PIGG: variants seen among roughly 807,000 people sequenced by gnomAD.
The protein encoded by PIGG is phosphatidylinositol glycan anchor biosynthesis class G (EMM blood group), also known as GPI ethanolamine phosphate transferase 2, catalytic subunit.
Under a neutral mutation model 83.2 loss-of-function variants are expected in PIGG, and 70 were observed. That is an observed-to-expected ratio of 0.84 (90% CI 0.69 to 1.03). The LOEUF (loss-of-function observed/expected upper bound fraction) is 1.03, where lower values mean the gene tolerates loss of function less well. Ranked by LOEUF, PIGG falls within the 50% of genes least tolerant of loss-of-function variation. The pLI is 0.00. For synonymous variants in PIGG, 532 were observed against 519.5 expected (o/e 1.02, Z -0.33); for missense variants, 1,257 against 1,233.6 (o/e 1.02, Z -0.28).
intron 6 of PIGG, 87 bp downstream of exon 6, chr4:516,272 G>C: frequency 1.2e-6 from 1 of 836,742 alleles, no homozygotes. Context: ...GTGGTATGCA[G>C]TTTGTCACAG....
intron 6 of PIGG, 41 bp from the exon 7 acceptor site, chr4:521,015 G>A (rs773541226): frequency 9.8e-6 from 13 of 1,323,210 alleles, no homozygotes; most frequent in South Asian, 4.7e-5. Flanking sequence ...GTATGTTCAC[G>A]GTGTGTGTGC....
chr4:528,140 G>T lies in PIGG; in HGVS notation c.2261+910G>T. 1.0e-6 allele frequency: 1 copy of T among 985,376 alleles called. No homozygotes were observed. 61.0% of individuals were successfully genotyped at this position (985,376 alleles called of 1,614,324 possible). ...AGTGAGGTCGGTGCTCTGCAGAGGG[G>T]TCTTCTGGCTGTTAGGCAGCCTATT... On this transcript the variant is annotated intron_variant, in intron 10 of 12. Transcript: ENST00000453061. The surrounding 1 kb of genome is among the most constrained non-coding windows in gnomAD (Gnocchi z 4.8).
At chr4:500,194 G>A in intron 1 of PIGG, 1 of 593,060 alleles carries the variant, frequency 1.7e-6, no homozygotes, top group Non-Finnish European at 3.0e-6. Flanking sequence ...TTGCTACTGT[G>A]GGTCCCTAAG....
At chr4:526,415 G>T (rs577593425) in intron 9 of PIGG, among the ~76,000 whole-genome samples, 1 of 152,210 alleles carries the variant, frequency 6.6e-6, no homozygotes, top group African/African-American at 2.4e-5. Flanking sequence ...CCACCGCATC[G>T]CGGTCGGGAC....
At chr4:525,123 G>C (rs557502109) in intron 9 of PIGG, 5 of 928,692 alleles carry the variant, frequency 5.4e-6, no homozygotes, top group South Asian at 5.0e-5. Flanking sequence ...CCTTAGCAAA[G>C]CTCCTTTCTC....
rs2109013960 is a variant in PIGG, at chr4:530,429, T to C, written c.2262-7T>C. The C allele has an allele frequency of 6.2e-7, 1 of 1,604,000 alleles. No homozygotes were observed. The highest frequency in any genetic ancestry group is 8.5e-7 in the Non-Finnish European group (1 of 1,172,210). ...TAATGAATCTAACTTGTTTTGCTCT[T>C]TTTTAGGGGTATTATTGAAGCTCGT... On this transcript the variant is annotated splice_region_variant and splice_polypyrimidine_tract_variant and intron_variant, in intron 10 of 12. Coordinates refer to ENST00000453061, the MANE Select transcript of PIGG (RefSeq NM_001127178.3).
intron 3 of PIGG, among the ~76,000 whole-genome samples, chr4:507,149 A>T (rs1274799391): frequency 1.3e-5 from 2 of 152,242 alleles, no homozygotes; most frequent in East Asian, 1.9e-4. Context: ...TATGTTGCCC[A>T]GGTGGGTCCT....
At chr4:504,296 G>C (rs1475438682) in intron 2 of PIGG, among the ~76,000 whole-genome samples, 3 of 152,174 alleles carry the variant, frequency 2.0e-5, no homozygotes, top group Non-Finnish European at 4.4e-5. Context: ...GTCAGAGGTT[G>C]TGCTTCAGCA....
At chr4:533,712 C>T in intron 11 of PIGG, 106 bp from the exon 12 acceptor site, 2 of 1,071,648 alleles carry the variant, frequency 1.9e-6, no homozygotes, top group Non-Finnish European at 2.8e-6. Flanking sequence ...GCGTGGTTAT[C>T]TGGGCTGCCT....
At chr4:532,586 C>A (rs1729328213) in intron 11 of PIGG, 1 of 152,350 alleles carries the variant, frequency 6.6e-6, no homozygotes, top group Admixed American at 6.5e-5. Context: ...CCTAAGACAA[C>A]AGGGATAGGA....
Position 514,670 on chromosome 4 carries a change from C to A in PIGG, c.902-1303C>A, listed in dbSNP as rs1253502663. On this transcript the variant is annotated intron_variant, in intron 5 of 12. Coordinates refer to ENST00000453061, the MANE Select transcript of PIGG (RefSeq NM_001127178.3). Reference sequence around the variant, plus strand: ...AAATGATCTTGTGTTTGTATCGATTCACCTTCAAAACTGTAAAATGACTTC... The same window carrying A: ...AAATGATCTTGTGTTTGTATCGATTAACCTTCAAAACTGTAAAATGACTTC... 2.6e-5 allele frequency among the ~76,000 whole-genome samples: 4 copies of A among 152,182 alleles called. No individual in the cohort carries two copies. In the East Asian group the frequency reaches 7.7e-4, roughly 29 times the overall value.
rs1159978110 is a variant in PIGG, at chr4:530,539, C to T, written c.2365C>T (p.Leu789Phe). The change falls in exon 11 of 13, where the codon CTC (leucine) becomes TTC (phenylalanine). Residue 789 changes from leucine (L) to phenylalanine (F), a missense_variant. Leu to Phe is a conservative substitution (Grantham distance 22). Coordinates refer to ENST00000453061, the MANE Select transcript of PIGG (RefSeq NM_001127178.3). ...KSQVIAADFK[L>F]KTVGLWEIYS... ...TCAAGTCATTGCTGCAGACTTCAAA[C>T]TCAAGACTGTAGGTTTATGGGAGAT... The T allele has an allele frequency of 9.3e-6, 15 of 1,613,112 alleles. No individual in the cohort carries two copies. The highest frequency in any genetic ancestry group is 2.7e-5 in the African/African-American group (2 of 74,906).
chr4:529,191 C>T (rs1473101600), intron 10 of PIGG, among the ~76,000 whole-genome samples: 2 of 152,186 alleles, frequency 1.3e-5, no homozygotes, highest in African/African-American at 4.8e-5. Context: ...ACCCTGCCTG[C>T]CCTAGCATCC....
At position 539,914 on chromosome 4, in the gene PIGG, C is replaced by T. The variant is rs1480111282; in HGVS notation, c.*545C>T. 6.6e-6 allele frequency: 1 copy of T among 152,364 alleles called. No homozygotes were observed. Among genetic ancestry groups the T allele is most frequent in the East Asian group, 1.9e-4 (1 of 5,192 alleles). 9.4% of individuals were successfully genotyped at this position (152,364 alleles called of 1,614,324 possible). On this transcript the variant is annotated 3_prime_UTR_variant, in exon 13 of 13. Transcript: ENST00000453061. Reference sequence around the variant, plus strand: ...CAAAACAAAAAAATTCAGTGAGACCCAGCACTTTGGGAGGCCAGAGTGGGG... The same window carrying T: ...CAAAACAAAAAAATTCAGTGAGACCTAGCACTTTGGGAGGCCAGAGTGGGG...
chr4:505,632 CAAAAA>C (rs374663154), intron 2 of PIGG, 81 bp from the exon 3 acceptor site: 14 of 738,788 alleles, frequency 1.9e-5, no homozygotes, highest in Admixed American at 5.8e-5. Flanking sequence ...GACCCTGTCT[CAAAAA>C]AAAAAAAAAA....
chr4:538,071 G>A (rs57577815), intron 12 of PIGG, among the ~76,000 whole-genome samples: 4 of 147,250 alleles, frequency 2.7e-5, no homozygotes, highest in African/African-American at 8.0e-5. Flanking sequence ...CCACACACAC[G>A]TGCTGACAGG....
At chr4:527,275 T>G in intron 10 of PIGG, 45 bp downstream of exon 10, 1 of 1,521,378 alleles carries the variant, frequency 6.6e-7, no homozygotes. Context: ...ACTTTACTGT[T>G]TGAAGAACTG....
intron 2 of PIGG, 53 bp from the exon 3 acceptor site, chr4:505,665 T>G: frequency 7.3e-7 from 1 of 1,369,726 alleles, no homozygotes; most frequent in South Asian, 1.2e-5. Context: ...AGTGCCCTTT[T>G]CATGCTCCGG....
intron 1 of PIGG, among the ~76,000 whole-genome samples, 196 bp from the exon 2 acceptor site, chr4:500,200 C>G (rs782350882): frequency 2.6e-5 from 4 of 152,182 alleles, no homozygotes; most frequent in Non-Finnish European, 5.9e-5. Context: ...CTGTGGGTCC[C>G]TAAGATTACT....
Sources: allele counts gnomAD v4.1 joint callset (sites outside exome capture counted in the v4.1 genomes callset), GRCh38; gene constraint gnomAD v4.1.1; non-coding constraint Gnocchi (gnomAD v3.1); transcripts MANE v1.5; gene names NCBI Gene and HGNC (gene_info 2026-07-23, HGNC 2026-07-21).